KHDRBS2: variants seen among roughly 807,000 people sequenced by gnomAD.
The protein encoded by KHDRBS2 is KH domain-containing, RNA-binding, signal transduction-associated protein 2.
KHDRBS2 carries 26 observed loss-of-function variants against 44.3 expected under a neutral mutation model. The observed-to-expected ratio is 0.59, with a 90% CI of 0.43 to 0.81. The LOEUF is 0.81. KHDRBS2 is among the 40% of genes least tolerant of loss of function. The probability of loss-of-function intolerance (pLI) is 0.00; values close to 1 mark genes in which losing one functional copy is unlikely to be tolerated. For synonymous variants in KHDRBS2, 194 were observed against 151.1 expected (o/e 1.28, Z -2.08); for missense variants, 476 against 433.1 (o/e 1.10, Z -0.88).
intron 6 of KHDRBS2, among the ~76,000 whole-genome samples, chr6:61,844,669 T>TTCAA (rs746065312): frequency 9.9e-5 from 15 of 152,148 alleles, no homozygotes; most frequent in Admixed American, 2.0e-4. Flanking sequence ...AAAGTAGAAA[T>TTCAA]TCAATCAATC....
chr6:61,573,751 T>G, the KHDRBS2 span, among the ~76,000 whole-genome samples: 1 of 150,360 alleles, frequency 6.7e-6, no homozygotes, highest in Non-Finnish European at 1.5e-5. Flanking sequence ...ATTGCGCCAC[T>G]GCACTCCAGC....
chr6:61,733,839 C>T (rs1457819901), intron 6 of KHDRBS2, among the ~76,000 whole-genome samples: 1 of 151,658 alleles, frequency 6.6e-6, no homozygotes, highest in African/African-American at 2.4e-5. Context: ...CCATCCGTCT[C>T]GATTATTCCC....
At chr6:62,100,423 C>T (rs1801599774) in intron 2 of KHDRBS2, among the ~76,000 whole-genome samples, 1 of 152,182 alleles carries the variant, frequency 6.6e-6, no homozygotes, top group African/African-American at 2.4e-5. Flanking sequence ...TTGGAGGGAA[C>T]TTCCTCCAAT....
chr6:61,745,526 CAAA>C (rs1776737944), intron 6 of KHDRBS2, among the ~76,000 whole-genome samples: 1 of 152,146 alleles, frequency 6.6e-6, no homozygotes, highest in South Asian at 2.1e-4. Context: ...GAACCCAAAG[CAAA>C]TGCTGTAAAG....
At chr6:61,607,214 T>A in the KHDRBS2 span, among the ~76,000 whole-genome samples, 1 of 151,782 alleles carries the variant, frequency 6.6e-6, no homozygotes, top group Non-Finnish European at 1.5e-5. Flanking sequence ...AGATGTAAAA[T>A]AAGCACAACT....
At chr6:62,203,903 C>G (rs1159949873) in intron 1 of KHDRBS2, among the ~76,000 whole-genome samples, 1 of 152,146 alleles carries the variant, frequency 6.6e-6, no homozygotes, top group Non-Finnish European at 1.5e-5. Flanking sequence ...GCAGAGGTCC[C>G]AAGAATGGCT....
chr6:62,039,192 G>A lies in KHDRBS2; in HGVS notation c.336+8686C>T, dbSNP rs186358581. Among the ~76,000 whole-genome samples, 6 of 151,578 alleles carry A rather than the reference G, an allele frequency of 4.0e-5. No homozygotes were observed. The East Asian group carries it at 1.2e-3, about 30-fold the overall frequency. ...TGCTATACAACTATGGGTGTTTTAT[G>A]TGTTGATCGGTGCTTTCTATTAAAT... On this transcript the variant is annotated intron_variant, in intron 3 of 8. Transcript: ENST00000281156.
chr6:62,047,748 C>G (rs1008425785), intron 3 of KHDRBS2, 130 bp downstream of exon 3: 21 of 671,640 alleles, frequency 3.1e-5, no homozygotes, highest in South Asian at 5.5e-5. Flanking sequence ...GAAAGTGACA[C>G]AGGGTGATCC....
At chr6:61,882,943 CA>C (rs1332874836) in intron 6 of KHDRBS2, among the ~76,000 whole-genome samples, 8 of 152,088 alleles carry the variant, frequency 5.3e-5, no homozygotes, top group African/African-American at 1.9e-4. Flanking sequence ...TTTCAACCAA[CA>C]AAATCCAAAG....
chr6:62,026,863 C>CT (rs1315010872), intron 3 of KHDRBS2, among the ~76,000 whole-genome samples: 2 of 152,074 alleles, frequency 1.3e-5, no homozygotes, highest in Non-Finnish European at 2.9e-5. Flanking sequence ...CATACATCCT[C>CT]TTTTTTCAGC....
intron 2 of KHDRBS2, among the ~76,000 whole-genome samples, chr6:62,060,192 G>A (rs576959275): frequency 2.6e-5 from 4 of 151,634 alleles, no homozygotes; most frequent in African/African-American, 9.7e-5. Flanking sequence ...GGGTGATATA[G>A]AAAAAAATAT....
intron 1 of KHDRBS2, among the ~76,000 whole-genome samples, chr6:62,224,189 G>A (rs1831368467): frequency 6.6e-6 from 1 of 152,116 alleles, no homozygotes; most frequent in Non-Finnish European, 1.5e-5. Flanking sequence ...CATGACAGCA[G>A]CAAGAGAAAA....
chr6:62,223,389 C>T (rs1038722956), intron 1 of KHDRBS2, among the ~76,000 whole-genome samples: 15 of 152,144 alleles, frequency 9.9e-5, no homozygotes, highest in African/African-American at 3.4e-4. Flanking sequence ...GTCAGGCCAA[C>T]GAAATCATTT....
intron 6 of KHDRBS2, among the ~76,000 whole-genome samples, chr6:61,795,452 T>G (rs1582882649): frequency 6.6e-6 from 1 of 151,902 alleles, no homozygotes; most frequent in African/African-American, 2.4e-5. Context: ...GAGCTGTGTT[T>G]GTCATACACA....
intron 6 of KHDRBS2, among the ~76,000 whole-genome samples, chr6:61,757,283 A>G (rs1778628147): frequency 6.6e-6 from 1 of 152,058 alleles, no homozygotes; most frequent in African/African-American, 2.4e-5. Flanking sequence ...ATAGTTTTTG[A>G]TTTATCAGTT....
At chr6:62,118,093 C>T (rs1327212773) in intron 2 of KHDRBS2, among the ~76,000 whole-genome samples, 3 of 152,050 alleles carry the variant, frequency 2.0e-5, no homozygotes, top group Non-Finnish European at 2.9e-5. Context: ...AATTTTTGTA[C>T]GTGGTGAGAG....
chr6:61,977,070 G>A (rs1320313559), intron 4 of KHDRBS2, among the ~76,000 whole-genome samples: 1 of 152,106 alleles, frequency 6.6e-6, no homozygotes, highest in African/African-American at 2.4e-5. Context: ...AGATCTTGAT[G>A]CTTTTAAATT....
At chr6:61,924,774 G>T (rs1377589200) in intron 4 of KHDRBS2, among the ~76,000 whole-genome samples, 1 of 151,258 alleles carries the variant, frequency 6.6e-6, no homozygotes, top group Non-Finnish European at 1.5e-5. Flanking sequence ...ATTCAATTTA[G>T]AATTTAATCA....
At chr6:62,026,442 T>A (rs1738919052) in intron 3 of KHDRBS2, among the ~76,000 whole-genome samples, 3 of 97,964 alleles carry the variant, frequency 3.1e-5, no homozygotes, top group African/African-American at 8.3e-5. Context: ...ATTATTATTT[T>A]TTTTTTTGGA....
Sources: gnomAD v4.1 joint callset for allele counts (sites outside exome capture counted in the v4.1 genomes callset) on GRCh38, gnomAD v4.1.1 for gene constraint, MANE v1.5 for transcripts, NCBI Gene and HGNC (gene_info 2026-07-23, HGNC 2026-07-21) for gene names.